MOB3B: variants seen among roughly 807,000 people sequenced by gnomAD.
MOB3B encodes MOB kinase activator-like 2B.
A neutral mutation model predicts 18.7 loss-of-function variants in MOB3B; 7 were observed. The ratio of observed to expected loss-of-function variants is 0.37; its 90% confidence interval spans 0.21 to 0.70. MOB3B has a LOEUF of 0.70. Ranked by LOEUF, MOB3B falls within the 30% of genes least tolerant of loss-of-function variation. The probability of loss-of-function intolerance (pLI) is 0.52; values close to 1 mark genes in which losing one functional copy is unlikely to be tolerated. For missense variants in MOB3B, 253 were observed against 281.3 expected, an observed-to-expected ratio of 0.90 and a Z score of 0.72; for synonymous variants, 111 against 99.9, an observed-to-expected ratio of 1.11 and a Z score of -0.66.
chr9:27,439,463 A>G (rs1822562670), intron 2 of MOB3B, among the ~76,000 whole-genome samples: 1 of 152,046 alleles, frequency 6.6e-6, no homozygotes, highest in East Asian at 1.9e-4. Flanking sequence ...GAACCATCTC[A>G]TCTGTCTTAC....
chr9:27,332,305 T>C lies in MOB3B; in HGVS notation c.622-1689A>G, dbSNP rs147382276. ...TGCACCCAGCTTTTGGCTTAACTCTTGATGACACAGACAAGGAAAACAAGA... is the reference window on the plus strand; with the variant it reads ...TGCACCCAGCTTTTGGCTTAACTCTCGATGACACAGACAAGGAAAACAAGA... On this transcript the variant is annotated intron_variant, in intron 3 of 3. Transcript: ENST00000262244. 3.7e-4 allele frequency among the ~76,000 whole-genome samples: 57 copies of C among 152,178 alleles called. 2 individuals are homozygous for C. The East Asian group carries it at 0.011, about 29-fold the overall frequency.
chr9:27,389,064 C>T (rs1009979194), intron 2 of MOB3B, among the ~76,000 whole-genome samples: 1 of 152,178 alleles, frequency 6.6e-6, no homozygotes, highest in African/African-American at 2.4e-5. Flanking sequence ...CTCTTGACCT[C>T]CTTTGATGGT....
intron 3 of MOB3B, among the ~76,000 whole-genome samples, chr9:27,335,988 T>C (rs1192806421): frequency 2.0e-5 from 3 of 152,086 alleles, no homozygotes; most frequent in African/African-American, 7.2e-5. Flanking sequence ...TGAAATCCAA[T>C]GAAAAGGAAC....
intron 1 of MOB3B, chr9:27,526,362 G>A (rs911949258): frequency 6.6e-6 from 1 of 152,224 alleles, no homozygotes; most frequent in African/African-American, 2.4e-5. Context: ...ATAACTATCA[G>A]CAGAGTTGTT....
intron 1 of MOB3B, among the ~76,000 whole-genome samples, chr9:27,479,594 A>G (rs1260102063): frequency 6.6e-6 from 1 of 152,216 alleles, no homozygotes; most frequent in Non-Finnish European, 1.5e-5. Context: ...TGATAAGCAA[A>G]GAAGACAAAC....
chr9:27,479,339 C>A (rs1182082753), intron 1 of MOB3B, among the ~76,000 whole-genome samples: 1 of 152,166 alleles, frequency 6.6e-6, no homozygotes, highest in East Asian at 1.9e-4. Context: ...GGCATTAATC[C>A]ATTCATGAGG....
At chr9:27,430,815 C>A (rs937649109) in intron 2 of MOB3B, among the ~76,000 whole-genome samples, 5 of 151,726 alleles carry the variant, frequency 3.3e-5, no homozygotes, top group Admixed American at 2.0e-4. Context: ...GTAGGCGCAA[C>A]AACTCCTGGT....
In MOB3B at chr9:27,472,809, C is replaced by A. The variant is rs541746261; in HGVS notation, c.-198-17061G>T. Among the ~76,000 whole-genome samples the A allele has an allele frequency of 3.3e-4, 50 of 150,948 alleles. 1 individual carries two copies. Among genetic ancestry groups the A allele is most frequent in the African/African-American group, 1.2e-3 (49 of 41,122 alleles). On this transcript the variant is annotated intron_variant, in intron 1 of 3. Transcript: ENST00000262244. ...AGGATTCCATAAAAACTCTGATAAT[C>A]ATTTCTTCTACCAACTTTAGTCAAC...
chr9:27,375,082 C>T (rs929389791), intron 2 of MOB3B, among the ~76,000 whole-genome samples: 1 of 152,216 alleles, frequency 6.6e-6, no homozygotes, highest in Non-Finnish European at 1.5e-5. Context: ...TTGGGCCATC[C>T]ATCCCAGCTG....
intron 1 of MOB3B, among the ~76,000 whole-genome samples, chr9:27,458,025 G>T (rs1265387537): frequency 6.6e-6 from 1 of 152,140 alleles, no homozygotes; most frequent in Non-Finnish European, 1.5e-5. Context: ...GGGTGGTGAG[G>T]ACTTGTTTTT....
intron 2 of MOB3B, among the ~76,000 whole-genome samples, chr9:27,371,314 C>T (rs1300432341): frequency 3.3e-5 from 5 of 152,058 alleles, no homozygotes; most frequent in African/African-American, 9.7e-5. Flanking sequence ...GAACAGTGAC[C>T]CTTCTGAAAT....
chr9:27,438,589 C>T (rs1372083447), intron 2 of MOB3B, among the ~76,000 whole-genome samples: 1 of 152,182 alleles, frequency 6.6e-6, no homozygotes, highest in Non-Finnish European at 1.5e-5. Flanking sequence ...GGCTACAATA[C>T]TTCATGTGAA....
chr9:27,469,596 C>T (rs1819440000), intron 1 of MOB3B, among the ~76,000 whole-genome samples: 1 of 152,120 alleles, frequency 6.6e-6, no homozygotes, highest in Non-Finnish European at 1.5e-5. Flanking sequence ...TCAATAGAGC[C>T]TCTTAATTTA....
chr9:27,503,551 C>T (rs898446007), intron 1 of MOB3B, among the ~76,000 whole-genome samples: 6 of 152,334 alleles, frequency 3.9e-5, no homozygotes, highest in East Asian at 1.9e-4. Context: ...CTCCTGCGCT[C>T]CTGTCTCTTC....
At chr9:27,495,409 C>T (rs761068879) in intron 1 of MOB3B, among the ~76,000 whole-genome samples, 10 of 152,010 alleles carry the variant, frequency 6.6e-5, no homozygotes, top group South Asian at 2.1e-4. Flanking sequence ...CAGGAGGGAC[C>T]GTGAGGCAGG....
chr9:27,402,207 G>A (rs547581167), intron 2 of MOB3B, among the ~76,000 whole-genome samples: 1 of 152,144 alleles, frequency 6.6e-6, no homozygotes, highest in Non-Finnish European at 1.5e-5. Context: ...GTAAACATTT[G>A]GTTGAACCAC....
chr9:27,473,483 C>CAG (rs1819504889), intron 1 of MOB3B, among the ~76,000 whole-genome samples: 1 of 152,042 alleles, frequency 6.6e-6, no homozygotes, highest in Non-Finnish European at 1.5e-5. Context: ...GCTGGACAAG[C>CAG]AGAGAGGGAC....
At position 27,359,202 on chromosome 9, in the gene MOB3B, G is replaced by A. The variant is rs1038406998; in HGVS notation, c.453C>T (p.Cys151=). The change falls in exon 3 of 4, where the codon TGC becomes TGT. Residue 151 remains cysteine (C), a synonymous_variant. Coordinates refer to ENST00000262244, the MANE Select transcript of MOB3B (RefSeq NM_024761.5). ...VPFPKNFLQI[C]KKILCRLFRV... is the part of the protein sequence containing the mutation. ...GGAAAAGGCGGCACAGGATCTTCTT[G>A]CAGATCTGAAGGAAGTTCTTTGGGA... The A allele has an allele frequency of 2.5e-6, 4 of 1,614,036 alleles. No individual in the cohort carries two copies. The African/African-American group carries it at 4.0e-5, about 16-fold the overall frequency.
chr9:27,363,306 C>T (rs543035699), intron 2 of MOB3B, among the ~76,000 whole-genome samples: 9 of 148,914 alleles, frequency 6.0e-5, no homozygotes, highest in Admixed American at 2.7e-4. Context: ...GATGGAGTCT[C>T]GCACTTTCGC....
Sources: gnomAD v4.1 joint callset for allele counts (sites outside exome capture counted in the v4.1 genomes callset) on GRCh38, gnomAD v4.1.1 for gene constraint, MANE v1.5 for transcripts, NCBI Gene and HGNC (gene_info 2026-07-23, HGNC 2026-07-21) for gene names.